PGS1: variants seen among roughly 807,000 people sequenced by gnomAD.
The protein encoded by PGS1 is CDP-diacylglycerol--glycerol-3-phosphate 3-phosphatidyltransferase, mitochondrial.
PGS1 carries 44 observed loss-of-function variants against 58.3 expected under a neutral mutation model. The observed-to-expected ratio is 0.75, with a 90% CI of 0.59 to 0.97. The LOEUF (loss-of-function observed/expected upper bound fraction) is 0.97, where lower values mean the gene tolerates loss of function less well. Among genes scored for constraint, PGS1 ranks in the 50% least tolerant of loss-of-function variants. The pLI is 0.00. For synonymous variants in PGS1, 330 were observed against 311.0 expected (o/e 1.06, Z -0.64); for missense variants, 684 against 731.1 (o/e 0.94, Z 0.74).
rs74001311 is a variant in PGS1 at position 78,424,414 on chromosome 17, C to T, written c.*364C>T. On this transcript the variant is annotated 3_prime_UTR_variant, in exon 10 of 10. Coordinates refer to ENST00000262764, the MANE Select transcript of PGS1 (RefSeq NM_024419.5). ...CATCCGTTTAAATCTGTGGCATTTT[C>T]AGAGCCTCATCTGTCAGCCTTAATG... is the stretch of plus-strand genomic sequence containing the variant. 3,471 of 437,930 alleles carry T rather than the reference C, an allele frequency of 7.9e-3. 80 individuals carry two copies. Among genetic ancestry groups the T allele is most frequent in the African/African-American group, 0.059 (3,064 of 51,714 alleles). 27.1% of individuals were successfully genotyped at this position (437,930 alleles called of 1,614,324 possible).
chr17:78,424,020 G>C (rs533842240), intron 9 of PGS1, 41 bp from the exon 10 acceptor site: 1 of 1,614,016 alleles, frequency 6.2e-7, no homozygotes, highest in Admixed American at 1.7e-5. Flanking sequence ...TTTTGTACAC[G>C]GGACACTCAT....
intron 1 of PGS1, among the ~76,000 whole-genome samples, chr17:78,381,904 G>T (rs1031836855): frequency 6.6e-6 from 1 of 152,192 alleles, no homozygotes; most frequent in Admixed American, 6.5e-5. Flanking sequence ...TATTCATCAT[G>T]TGTGTATTGA....
Position 78,403,613 on chromosome 17 carries a change from A to G in PGS1, c.926A>G (p.Asp309Gly). The G allele has an allele frequency of 6.2e-7, 1 of 1,614,082 alleles. No homozygotes were observed. Among genetic ancestry groups the G allele is most frequent in the Non-Finnish European group, 8.5e-7 (1 of 1,179,998 alleles). Residue 309 changes from aspartate (D) to glycine (G), a missense_variant, in exon 7 of 10, where the codon GAT (aspartate) becomes GGT (glycine). Coordinates refer to ENST00000262764, the MANE Select transcript of PGS1 (RefSeq NM_024419.5). ...AAGGCAGCCAATAAGAGGGTCATGGATGTGATCAACTCAGCCAGGACCCGC... is the reference window on the plus strand; with the variant it reads ...AAGGCAGCCAATAAGAGGGTCATGGGTGTGATCAACTCAGCCAGGACCCGC... Reference protein sequence around the residue: ...YCKAANKRVMDVINSARTRQQ... With the variant: ...YCKAANKRVMGVINSARTRQQ...
chr17:78,397,695 A>G (rs867601914), intron 3 of PGS1, among the ~76,000 whole-genome samples: 2 of 152,128 alleles, frequency 1.3e-5, no homozygotes, highest in South Asian at 4.2e-4. Context: ...TTGGCCTCCC[A>G]AAGTGCTGGG....
chr17:78,423,862 T>A (rs2086218205), intron 9 of PGS1, 199 bp from the exon 10 acceptor site: 1 of 1,606,680 alleles, frequency 6.2e-7, no homozygotes, highest in Non-Finnish European at 8.5e-7. Flanking sequence ...AGGGCTGAGT[T>A]GTGGTCCAGC....
chr17:78,404,279 ATTTTTTT>A (rs34032688), intron 7 of PGS1, among the ~76,000 whole-genome samples, 190 bp downstream of exon 7: 3 of 122,678 alleles, frequency 2.4e-5, no homozygotes. Flanking sequence ...CCTCAAGGGA[ATTTTTTT>A]TTTTTTTTTT....
chr17:78,388,621 A>G (rs1314274149), intron 1 of PGS1, among the ~76,000 whole-genome samples: 1 of 151,882 alleles, frequency 6.6e-6, no homozygotes, highest in Non-Finnish European at 1.5e-5. Context: ...CTGGGATTAC[A>G]AGTGTGAGCC....
chr17:78,411,277 C>G (rs1368174561), intron 7 of PGS1, among the ~76,000 whole-genome samples: 2 of 152,126 alleles, frequency 1.3e-5, no homozygotes, highest in African/African-American at 4.8e-5. Context: ...TGGAAAGGGC[C>G]CAGAAGCCAT....
At chr17:78,385,658 C>T (rs2082332726) in intron 1 of PGS1, among the ~76,000 whole-genome samples, 1 of 152,194 alleles carries the variant, frequency 6.6e-6, no homozygotes, top group South Asian at 2.1e-4. Context: ...CTCCTGACCT[C>T]ATCATCTGCC....
At chr17:78,380,929 TCTAC>T (rs1316700031) in intron 1 of PGS1, 1 of 152,024 alleles carries the variant, frequency 6.6e-6, no homozygotes, top group African/African-American at 2.4e-5. Flanking sequence ...CAGTGCAACC[TCTAC>T]CTCGTGGGTT....
chr17:78,422,001 G>T (rs2085833999), intron 9 of PGS1: 1 of 152,238 alleles, frequency 6.6e-6, no homozygotes, highest in Admixed American at 6.5e-5. Context: ...TGCAGCTTAA[G>T]TGCGAATCAT....
intron 5 of PGS1, 146 bp downstream of exon 5, chr17:78,399,683 G>A (rs962491581): frequency 2.2e-5 from 16 of 740,982 alleles, no homozygotes; most frequent in African/African-American, 1.2e-4. Context: ...GCACCTCCCC[G>A]ACACTGTCTC....
intron 9 of PGS1, among the ~76,000 whole-genome samples, chr17:78,422,955 G>A (rs920054732): frequency 1.3e-5 from 2 of 152,044 alleles, no homozygotes; most frequent in Admixed American, 6.5e-5. Flanking sequence ...AATTAGCTGC[G>A]TGTGGTGGTG....
At chr17:78,418,827 A>G (rs1480345343) in intron 8 of PGS1, among the ~76,000 whole-genome samples, 1 of 152,170 alleles carries the variant, frequency 6.6e-6, no homozygotes, top group Non-Finnish European at 1.5e-5. Flanking sequence ...TCATTGGCAC[A>G]AATTGGCTTT....
chr17:78,387,743 G>A (rs2082516255), intron 1 of PGS1, among the ~76,000 whole-genome samples: 1 of 151,976 alleles, frequency 6.6e-6, no homozygotes, highest in Admixed American at 6.6e-5. Flanking sequence ...GGGACTACAG[G>A]TGCACGCCAC....
intron 7 of PGS1, among the ~76,000 whole-genome samples, chr17:78,414,272 A>G (rs2084978604): frequency 6.6e-6 from 1 of 152,230 alleles, no homozygotes; most frequent in Non-Finnish European, 1.5e-5. Context: ...TGTTCTTACC[A>G]GCCACTTTTG....
chr17:78,387,196 G>C (rs1274859063), intron 1 of PGS1, among the ~76,000 whole-genome samples: 1 of 151,820 alleles, frequency 6.6e-6, no homozygotes, highest in African/African-American at 2.4e-5. Context: ...TAGAGATGGG[G>C]TTTTGCCATG....
At chr17:78,423,042 G>C (rs1330072373) in intron 9 of PGS1, among the ~76,000 whole-genome samples, 1 of 151,362 alleles carries the variant, frequency 6.6e-6, no homozygotes, top group Non-Finnish European at 1.5e-5. Flanking sequence ...GTTGCAACGT[G>C]AGCCGAGATT....
intron 1 of PGS1, among the ~76,000 whole-genome samples, chr17:78,389,906 G>C (rs1255883098): frequency 6.6e-6 from 1 of 152,196 alleles, no homozygotes; most frequent in African/African-American, 2.4e-5. Context: ...ATGAGCCACT[G>C]TGCTGGGCTG....
Sources: allele counts gnomAD v4.1 joint callset (sites outside exome capture counted in the v4.1 genomes callset), GRCh38; gene constraint gnomAD v4.1.1; transcripts MANE v1.5; gene names NCBI Gene and HGNC (gene_info 2026-07-23, HGNC 2026-07-21).